KAZN: variants seen among roughly 807,000 people sequenced by gnomAD.
KAZN encodes kazrin.
KAZN carries 40 observed loss-of-function variants against 87.4 expected under a neutral mutation model. The observed-to-expected ratio is 0.46, with a 90% CI of 0.36 to 0.60. The LOEUF is 0.60. Ranked by LOEUF, KAZN falls within the 20% of genes least tolerant of loss-of-function variation. KAZN has a pLI of 0.00. For synonymous variants in KAZN, 466 were observed against 458.3 expected, an observed-to-expected ratio of 1.02 and a Z score of -0.22; for missense variants, 898 against 1,073.9, an observed-to-expected ratio of 0.84 and a Z score of 2.29.
At chr1:15,079,282 A>G (rs1022795886) in intron 8 of KAZN, among the ~76,000 whole-genome samples, 2 of 152,154 alleles carry the variant, frequency 1.3e-5, no homozygotes, top group African/African-American at 4.8e-5. Flanking sequence ...CCTAAGGAGG[A>G]ACTGCTTGCC....
chr1:14,531,441 A>G (rs1672203501), intron 2 of KAZN, among the ~76,000 whole-genome samples: 1 of 152,158 alleles, frequency 6.6e-6, no homozygotes, highest in Non-Finnish European at 1.5e-5. Flanking sequence ...TCACTAGACA[A>G]TGGCACAAGA....
In KAZN at chr1:15,044,147, C is replaced by G. The variant is rs1272626270; in HGVS notation, c.714C>G (p.Ala238=). 4.4e-6 allele frequency: 7 copies of G among 1,606,050 alleles called. No homozygotes were observed. The highest frequency in any genetic ancestry group is 6.0e-6 in the Non-Finnish European group (7 of 1,176,110). ...ACAACCGGATGAAGGAGCTGGAGGCCGAGCTGGCCATGGTGAGAACCCTCC... is the reference window on the plus strand; with the variant it reads ...ACAACCGGATGAAGGAGCTGGAGGCGGAGCTGGCCATGGTGAGAACCCTCC... ...LKDNRMKELE[A]ELAMAKQSLA... is the part of the protein sequence containing the mutation. The change falls in exon 4 of 15, where the codon GCC becomes GCG. Residue 238 remains alanine, a synonymous_variant. Transcript: ENST00000376030.
rs1474620479 is a variant in KAZN at position 15,030,674 on chromosome 1, C to T, written c.419-4075C>T. On this transcript the variant is annotated intron_variant, in intron 2 of 14. Transcript: ENST00000376030. The stretch of plus-strand genomic sequence containing the variant: ...TAGCTGTGCCGGGGCCTCCCACCCA[C>T]TGCCTGAGGCCTGCAGGGCCCACCC... Among the ~76,000 whole-genome samples, 5 of 152,342 alleles carry T rather than the reference C, an allele frequency of 3.3e-5. No individual in the cohort carries two copies. In the East Asian group the frequency reaches 9.6e-4, roughly 29 times the overall value.
chr1:15,092,854 T>G (rs1640617053), intron 8 of KAZN, among the ~76,000 whole-genome samples: 1 of 152,112 alleles, frequency 6.6e-6, no homozygotes, highest in South Asian at 2.1e-4. Flanking sequence ...GAACTTTTCA[T>G]ATTTACCAGG....
chr1:14,573,666 A>T (rs1392064426), intron 2 of KAZN, among the ~76,000 whole-genome samples: 2 of 152,152 alleles, frequency 1.3e-5, no homozygotes, highest in Non-Finnish European at 2.9e-5. Flanking sequence ...TTTAAAAAAG[A>T]AAGAAATACA....
rs72863629 is a variant in KAZN, at chr1:14,580,733, T to C, written c.250-18250T>C. On this transcript the variant is annotated intron_variant, in intron 2 of 16. Transcript: ENST00000636203. ...CTTTATTTATGTCTGCTATCTGACT[T>C]ACTCCTCCCAACCACCCTGTGAAGC... Among the ~76,000 whole-genome samples, 551 of 152,248 alleles carry C rather than the reference T, an allele frequency of 3.6e-3. 8 individuals carry two copies. Among genetic ancestry groups the C allele is most frequent in the African/African-American group, 0.013 (529 of 41,548 alleles).
rs1417584696 is a variant in KAZN at position 14,955,682 on chromosome 1, G to T, written c.227-5002G>T. 3.3e-5 allele frequency among the ~76,000 whole-genome samples: 5 copies of T among 152,228 alleles called. No homozygotes were observed. The East Asian group carries it at 9.6e-4, about 29-fold the overall frequency. Reference sequence around the variant, plus strand: ...GGCATCAGGTACACCTGTTAGGAAGGTGCACGCAGGAAAAAATCTGCCTTT... The same window carrying T: ...GGCATCAGGTACACCTGTTAGGAAGTTGCACGCAGGAAAAAATCTGCCTTT... On this transcript the variant is annotated intron_variant, in intron 1 of 14. Transcript: ENST00000376030.
chr1:15,084,279 G>A (rs1640145345), intron 8 of KAZN, among the ~76,000 whole-genome samples: 1 of 152,200 alleles, frequency 6.6e-6, no homozygotes, highest in Admixed American at 6.5e-5. Context: ...TTGTGGCAGG[G>A]CAGATGGACA....
At chr1:14,879,700 C>T (rs1653129413) in intron 1 of KAZN, among the ~76,000 whole-genome samples, 1 of 152,154 alleles carries the variant, frequency 6.6e-6, no homozygotes, top group Non-Finnish European at 1.5e-5. Flanking sequence ...ACCAACTGGG[C>T]TCCAGAATGA....
chr1:14,664,488 A>C (rs1182213533), intron 1 of KAZN, among the ~76,000 whole-genome samples: 1 of 152,100 alleles, frequency 6.6e-6, no homozygotes, highest in Non-Finnish European at 1.5e-5. Context: ...TGGTTTGACC[A>C]ATCTTTTGCT....
At chr1:14,473,553 G>A (rs1461281724) in intron 2 of KAZN, among the ~76,000 whole-genome samples, 1 of 151,586 alleles carries the variant, frequency 6.6e-6, no homozygotes, top group Non-Finnish European at 1.5e-5. Context: ...CTTGAACCGG[G>A]GAGGCAGAGA....
intron 3 of KAZN, among the ~76,000 whole-genome samples, chr1:15,036,019 T>C (rs1557738588): frequency 1.3e-5 from 2 of 151,656 alleles, no homozygotes; most frequent in African/African-American, 4.9e-5. Flanking sequence ...AGATGCTTGG[T>C]CCCCCCTACC....
intron 12 of KAZN, among the ~76,000 whole-genome samples, 152 bp from the exon 13 acceptor site, chr1:15,103,871 T>C (rs754461730): frequency 2.0e-5 from 3 of 152,076 alleles, no homozygotes; most frequent in African/African-American, 4.8e-5. Context: ...CTCTAAAAAA[T>C]TGGGGAGGGG....
At chr1:13,925,734 C>G (rs1427815737) in intron 1 of KAZN, among the ~76,000 whole-genome samples, 2 of 152,198 alleles carry the variant, frequency 1.3e-5, no homozygotes, top group African/African-American at 4.8e-5. Flanking sequence ...GTTCAAGGAG[C>G]TCTCTGGCCA....
At chr1:14,394,730 C>T (rs576515160) in intron 2 of KAZN, among the ~76,000 whole-genome samples, 1 of 152,346 alleles carries the variant, frequency 6.6e-6, no homozygotes, top group East Asian at 1.9e-4. Context: ...TCAGTCCTTA[C>T]TATATGTTGG....
chr1:14,201,136 C>T (rs939104629), intron 2 of KAZN, among the ~76,000 whole-genome samples: 2 of 152,204 alleles, frequency 1.3e-5, no homozygotes, highest in Admixed American at 6.5e-5. Flanking sequence ...TTTGCATCTC[C>T]ACTGATAATG....
intron 1 of KAZN, chr1:14,924,661 G>A (rs1658959638): frequency 2.6e-6 from 2 of 766,440 alleles, no homozygotes; most frequent in Non-Finnish European, 3.2e-6. Flanking sequence ...GCTCGGAGCC[G>A]GGATCGGGAA....
chr1:14,871,526 T>C (rs1409185790), intron 1 of KAZN, among the ~76,000 whole-genome samples: 1 of 151,892 alleles, frequency 6.6e-6, no homozygotes, highest in Admixed American at 6.6e-5. Context: ...ACACCATTAT[T>C]ATCAGTGCAT....
intron 2 of KAZN, among the ~76,000 whole-genome samples, chr1:14,551,913 G>T (rs1673547285): frequency 6.6e-6 from 1 of 152,170 alleles, no homozygotes; most frequent in African/African-American, 2.4e-5. Context: ...GCAGCCTGAT[G>T]TCATGTACTC....
Sources: gnomAD v4.1 joint callset for allele counts (sites outside exome capture counted in the v4.1 genomes callset) on GRCh38, gnomAD v4.1.1 for gene constraint, MANE v1.5 for transcripts, NCBI Gene and HGNC (gene_info 2026-07-23, HGNC 2026-07-21) for gene names.